WDPCP: variants seen among roughly 807,000 people sequenced by gnomAD.
WDPCP encodes WD repeat-containing and planar cell polarity effector protein fritz homolog.
Under a neutral mutation model 93.1 loss-of-function variants are expected in WDPCP, and 71 were observed. That is an observed-to-expected ratio of 0.76 (90% CI 0.63 to 0.93). The LOEUF is 0.93. WDPCP is among the 40% of genes least tolerant of loss of function. The pLI is 0.00. For synonymous variants in WDPCP, 315 were observed against 315.0 expected (o/e 1.00, Z 0.00); for missense variants, 844 against 887.4 (o/e 0.95, Z 0.62).
intron 14 of WDPCP, among the ~76,000 whole-genome samples, chr2:63,208,283 GTTC>G (rs1486967338): frequency 3.3e-5 from 5 of 151,994 alleles, no homozygotes; most frequent in Admixed American, 6.6e-5. Context: ...CTTTGTTCTT[GTTC>G]ATTTTTATGG....
chr2:63,778,311 G>T (rs528168506), intron 2 of WDPCP, among the ~76,000 whole-genome samples: 1 of 151,944 alleles, frequency 6.6e-6, no homozygotes, highest in African/African-American at 2.4e-5. Flanking sequence ...AACTTCAAGC[G>T]ATTCTCCTTC....
At chr2:63,702,371 G>A (rs1202089321) in intron 2 of WDPCP, among the ~76,000 whole-genome samples, 1 of 152,068 alleles carries the variant, frequency 6.6e-6, no homozygotes, top group Non-Finnish European at 1.5e-5. Flanking sequence ...ACACTGAATT[G>A]ATCTTTACAA....
intron 12 of WDPCP, among the ~76,000 whole-genome samples, chr2:63,313,887 T>TATATATA (rs1268057820): frequency 5.7e-4 from 33 of 57,656 alleles, no homozygotes; most frequent in Non-Finnish European, 1.5e-3. Flanking sequence ...TATATATATA[T>TATATATA]TTTTTTTTTT....
intron 9 of WDPCP, among the ~76,000 whole-genome samples, chr2:63,429,054 A>G (rs887941517): frequency 1.3e-5 from 2 of 152,212 alleles, no homozygotes; most frequent in Non-Finnish European, 2.9e-5. Context: ...CAAACTTGAC[A>G]AAAATAAGCA....
chr2:63,542,259 G>A (rs1246815017), intron 1 of WDPCP, among the ~76,000 whole-genome samples: 1 of 151,612 alleles, frequency 6.6e-6, no homozygotes, highest in African/African-American at 2.4e-5. Context: ...TTTTCTTCCT[G>A]AAGTGAATTT....
chr2:63,343,429 T>C (rs1688987582), intron 12 of WDPCP, among the ~76,000 whole-genome samples: 2 of 152,200 alleles, frequency 1.3e-5, no homozygotes. Context: ...TGTTAATATA[T>C]TGAGGATCCC....
At chr2:63,755,888 GA>G (rs2103898351) in intron 2 of WDPCP, among the ~76,000 whole-genome samples, 1 of 152,308 alleles carries the variant, frequency 6.6e-6, no homozygotes, top group Non-Finnish European at 1.5e-5. Flanking sequence ...CCTTCTTTAA[GA>G]ATCTCCCCTG....
At chr2:63,344,464 C>A (rs1689054638) in intron 12 of WDPCP, among the ~76,000 whole-genome samples, 1 of 152,130 alleles carries the variant, frequency 6.6e-6, no homozygotes, top group South Asian at 2.1e-4. Flanking sequence ...AGGTGTAAAC[C>A]CAGGGTGCAT....
chr2:63,257,031 T>A (rs1311587371), intron 14 of WDPCP, among the ~76,000 whole-genome samples: 1 of 152,188 alleles, frequency 6.6e-6, no homozygotes, highest in Non-Finnish European at 1.5e-5. Context: ...TTGAGTCACA[T>A]GCTTATGTTT....
chr2:63,602,934 CTTTTTTTTTTTTTTTTT>C (rs370479356), intron 3 of WDPCP, among the ~76,000 whole-genome samples: 11 of 131,516 alleles, frequency 8.4e-5, no homozygotes, highest in Admixed American at 1.5e-4. Context: ...TTTAACCGTT[CTTTTTTTTTTTTTTTTT>C]TTTTTTTTTT....
At chr2:63,700,654 T>G (rs1476731233) in intron 2 of WDPCP, among the ~76,000 whole-genome samples, 1 of 152,176 alleles carries the variant, frequency 6.6e-6, no homozygotes, top group East Asian at 1.9e-4. Flanking sequence ...CCCAGCATGG[T>G]ACTCACATAA....
chr2:63,424,013 A>G (rs1302676011), intron 9 of WDPCP, among the ~76,000 whole-genome samples: 1 of 151,902 alleles, frequency 6.6e-6, no homozygotes, highest in Non-Finnish European at 1.5e-5. Flanking sequence ...GAAACTAGGA[A>G]CCCTGCATAG....
intron 2 of WDPCP, among the ~76,000 whole-genome samples, chr2:63,738,522 T>G (rs781035530): frequency 1.5e-4 from 23 of 152,110 alleles, no homozygotes; most frequent in Admixed American, 2.6e-4. Flanking sequence ...GAAAGCAATT[T>G]CATTTTTGTC....
At chr2:63,504,661 G>A (rs905003270) in intron 1 of WDPCP, among the ~76,000 whole-genome samples, 1 of 151,836 alleles carries the variant, frequency 6.6e-6, no homozygotes, top group Non-Finnish European at 1.5e-5. Context: ...TTTGACCCCT[G>A]AGACAAATGT....
chr2:63,620,341 G>C (rs1709722186), intron 3 of WDPCP, among the ~76,000 whole-genome samples: 1 of 152,136 alleles, frequency 6.6e-6, no homozygotes, highest in Non-Finnish European at 1.5e-5. Flanking sequence ...GTAGGGGGAG[G>C]GGCATCCACT....
chr2:63,433,329 A>ATATAGT lies in WDPCP; in HGVS notation c.825+415_825+416insACTATA, dbSNP rs1696900778. Among the ~76,000 whole-genome samples the ATATAGT allele has an allele frequency of 2.0e-5, 3 of 152,238 alleles. No individual in the cohort carries two copies. In the South Asian group the frequency reaches 6.2e-4, roughly 31 times the overall value. On this transcript the variant is annotated intron_variant, in intron 9 of 17. Coordinates refer to ENST00000272321, the MANE Select transcript of WDPCP (RefSeq NM_015910.7). Reference sequence around the variant, plus strand: ...TTTCACAGGCATGATATCATGAGTAAACAGTAATAATAGAACTAATAATGA... The same window carrying ATATAGT: ...TTTCACAGGCATGATATCATGAGTAATATAGTACAGTAATAATAGAACTAATAATGA...
chr2:63,269,564 C>A (rs1404992853), intron 13 of WDPCP, among the ~76,000 whole-genome samples: 1 of 152,102 alleles, frequency 6.6e-6, no homozygotes, highest in African/African-American at 2.4e-5. Flanking sequence ...CTAAAAAAAT[C>A]TTGAATGGAG....
At chr2:63,691,242 G>T (rs1668883518) in intron 2 of WDPCP, among the ~76,000 whole-genome samples, 1 of 152,166 alleles carries the variant, frequency 6.6e-6, no homozygotes, top group Admixed American at 6.5e-5. Flanking sequence ...GAAACATCAG[G>T]ATGTTTGGAT....
intron 2 of WDPCP, among the ~76,000 whole-genome samples, chr2:63,804,422 T>C (rs1670734835): frequency 6.6e-6 from 1 of 151,790 alleles, no homozygotes; most frequent in African/African-American, 2.4e-5. Context: ...CGGCTAATTT[T>C]TTTTTGTAGT....
Sources: allele counts gnomAD v4.1 joint callset (sites outside exome capture counted in the v4.1 genomes callset), GRCh38; gene constraint gnomAD v4.1.1; transcripts MANE v1.5; gene names NCBI Gene and HGNC (gene_info 2026-07-23, HGNC 2026-07-21).